The following CENPW variants were observed in gnomAD, a reference collection of about 807,000 sequenced individuals.
The protein encoded by CENPW is centromere protein W.
Under a neutral mutation model 11.1 loss-of-function variants are expected in CENPW, and 3 were observed. That is an observed-to-expected ratio of 0.27 (90% confidence interval 0.12 to 0.70). The LOEUF is 0.70. Ranked by LOEUF, CENPW falls within the 30% of genes least tolerant of loss-of-function variation. The probability of loss-of-function intolerance (pLI) is 0.77; values close to 1 mark genes in which losing one functional copy is unlikely to be tolerated. For missense variants in CENPW, 100 were observed against 105.6 expected (o/e 0.95, Z 0.23); for synonymous variants, 38 against 42.0 (o/e 0.91, Z 0.37).
At chr6:126,368,232 C>T in the CENPW span, among the ~76,000 whole-genome samples, 2 of 152,136 alleles carry the variant, frequency 1.3e-5, no homozygotes, top group African/African-American at 2.4e-5. Flanking sequence ...AAAGGCAGTG[C>T]CTGCATCAGG....
chr6:126,388,932 T>G, the CENPW span, among the ~76,000 whole-genome samples: 1 of 151,872 alleles, frequency 6.6e-6, no homozygotes, highest in Non-Finnish European at 1.5e-5. Flanking sequence ...ATCTAATGAA[T>G]GACTAGATGA....
chr6:126,463,367 A>G, the CENPW span, among the ~76,000 whole-genome samples: 1 of 152,080 alleles, frequency 6.6e-6, no homozygotes. Context: ...GAATGAGATA[A>G]GCCATCTCCT....
At chr6:126,477,479 A>G in the CENPW span, among the ~76,000 whole-genome samples, 2 of 151,934 alleles carry the variant, frequency 1.3e-5, no homozygotes, top group Non-Finnish European at 2.9e-5. Context: ...CGTTGAACCA[A>G]CCATTTTTAA....
the CENPW span, among the ~76,000 whole-genome samples, chr6:126,408,441 G>C: frequency 6.6e-6 from 1 of 152,106 alleles, no homozygotes; most frequent in Admixed American, 6.6e-5. Context: ...ACTATCACGA[G>C]AACAGCATGG....
chr6:126,416,776 C>T, the CENPW span, among the ~76,000 whole-genome samples: 1 of 152,146 alleles, frequency 6.6e-6, no homozygotes, highest in East Asian at 1.9e-4. Flanking sequence ...ACCTAGATTT[C>T]AAAGGATGTA....
the CENPW span, among the ~76,000 whole-genome samples, chr6:126,431,464 T>C: frequency 1.3e-5 from 2 of 152,188 alleles, no homozygotes; most frequent in Non-Finnish European, 1.5e-5. Context: ...AACCTTATTA[T>C]ATAGATGAAA....
the CENPW span, among the ~76,000 whole-genome samples, chr6:126,368,498 G>A: frequency 1.3e-5 from 2 of 149,564 alleles, no homozygotes; most frequent in South Asian, 2.2e-4. Flanking sequence ...AGTACTTTTA[G>A]TTGTTTGGAT....
the CENPW span, among the ~76,000 whole-genome samples, chr6:126,365,139 T>C: frequency 1.3e-5 from 2 of 152,182 alleles, no homozygotes. Context: ...ACTATGGGGA[T>C]GGATAACTTA....
At chr6:126,354,011 A>G in the CENPW span, among the ~76,000 whole-genome samples, 1 of 151,878 alleles carries the variant, frequency 6.6e-6, no homozygotes, top group Non-Finnish European at 1.5e-5. Flanking sequence ...TAGACATATT[A>G]ATTATATTTA....
At chr6:126,422,247 C>T in the CENPW span, among the ~76,000 whole-genome samples, 15 of 152,162 alleles carry the variant, frequency 9.9e-5, no homozygotes, top group East Asian at 1.7e-3. Context: ...ATGTTAACTC[C>T]GCAAGTAATC....
At position 126,340,366 on chromosome 6, in the gene CENPW, T is replaced by G. The variant is rs567495845; in HGVS notation, c.93T>G (p.Pro31=). The G allele has an allele frequency of 1.9e-5, 30 of 1,614,154 alleles. No homozygotes were observed. In the East Asian group the frequency reaches 6.7e-4, roughly 36 times the overall value. ...AGCGAGTCTTCAAGCGAAAGAAGCC[T>G]CAACTTCGTCTGGAGAAAAGTGGTG... is the stretch of plus-strand genomic sequence containing the variant. The part of the protein sequence containing the change: ...FLKRVFKRKK[P]QLRLEKSGDL... The change falls in exon 1 of 3, where the codon CCT becomes CCG. Residue 31 remains proline (P), a synonymous_variant. Coordinates refer to ENST00000368328, the MANE Select transcript of CENPW (RefSeq NM_001012507.4).
the CENPW span, among the ~76,000 whole-genome samples, chr6:126,371,483 G>A: frequency 1.3e-5 from 2 of 152,086 alleles, no homozygotes; most frequent in African/African-American, 2.4e-5. Context: ...TGTTGGATTC[G>A]ATTAGCTAAT....
the CENPW span, among the ~76,000 whole-genome samples, chr6:126,456,767 C>G: frequency 6.6e-6 from 1 of 151,636 alleles, no homozygotes; most frequent in Non-Finnish European, 1.5e-5. Context: ...AAACACACAA[C>G]CTACAGAATG....
the CENPW span, among the ~76,000 whole-genome samples, chr6:126,426,352 G>C: frequency 6.6e-6 from 1 of 152,164 alleles, no homozygotes; most frequent in Admixed American, 6.6e-5. Flanking sequence ...TTGTCTACTT[G>C]ATTTCAGGCC....
chr6:126,434,420 C>T, the CENPW span, among the ~76,000 whole-genome samples: 18 of 151,990 alleles, frequency 1.2e-4, no homozygotes, highest in African/African-American at 4.3e-4. Flanking sequence ...TCTTTTGTGG[C>T]ATATCATAAT....
chr6:126,412,755 A>T, the CENPW span, among the ~76,000 whole-genome samples: 2 of 152,182 alleles, frequency 1.3e-5, no homozygotes, highest in Admixed American at 6.5e-5. Context: ...CATTTTTTAA[A>T]ATTCTTTTTT....
At chr6:126,413,718 C>A in the CENPW span, among the ~76,000 whole-genome samples, 2 of 151,404 alleles carry the variant, frequency 1.3e-5, no homozygotes, top group Non-Finnish European at 3.0e-5. Context: ...ATAAAAAAAA[C>A]CACCATATCA....
chr6:126,481,404 A>G, the CENPW span, among the ~76,000 whole-genome samples: 2 of 152,010 alleles, frequency 1.3e-5, no homozygotes, highest in Non-Finnish European at 2.9e-5. Context: ...AAAGAGATTT[A>G]TTTCCCTCAG....
chr6:126,415,654 C>A, the CENPW span, among the ~76,000 whole-genome samples: 2 of 152,148 alleles, frequency 1.3e-5, no homozygotes, highest in Non-Finnish European at 2.9e-5. Flanking sequence ...GAGGGCAGGT[C>A]TTTCTCGTGC....
Sources: allele counts gnomAD v4.1 joint callset (sites outside exome capture counted in the v4.1 genomes callset), GRCh38; gene constraint gnomAD v4.1.1; transcripts MANE v1.5; gene names NCBI Gene and HGNC (gene_info 2026-07-23, HGNC 2026-07-21).